The following CUX1 variants were observed in gnomAD, a reference collection of about 807,000 sequenced individuals.
The protein encoded by CUX1 is protein CASP.
CUX1 carries 31 observed loss-of-function variants against 158.8 expected under a neutral mutation model. The ratio of observed to expected loss-of-function variants is 0.20; its 90% CI spans 0.15 to 0.26. The LOEUF is 0.26. Ranked by LOEUF, CUX1 falls within the 10% of genes least tolerant of loss-of-function variation. The pLI, the probability that CUX1 is intolerant of heterozygous loss-of-function variation, is 1.00. For synonymous variants in CUX1, 879 were observed against 862.1 expected, an observed-to-expected ratio of 1.02 and a Z score of -0.34; for missense variants, 1,589 against 2,014.6, an observed-to-expected ratio of 0.79 and a Z score of 4.04.
In CUX1 at chr7:102,069,785, G is replaced by T. The variant is rs546739112; in HGVS notation, c.190-554G>T. Among the ~76,000 whole-genome samples, 20 of 152,324 alleles carry T rather than the reference G, an allele frequency of 1.3e-4. No homozygotes were observed. In the South Asian group the frequency reaches 4.1e-3, roughly 32 times the overall value. ...ATTTTATGAAATTCTTTGCTCCTGG[G>T]ATTTGAATGTGTTCGTCCGTTTACA... On this transcript the variant is annotated intron_variant, in intron 3 of 23. Transcript: ENST00000292535.
chr7:102,202,643 A>C (rs1272675722), intron 18 of CUX1, among the ~76,000 whole-genome samples: 1 of 152,208 alleles, frequency 6.6e-6, no homozygotes, highest in Non-Finnish European at 1.5e-5. Flanking sequence ...GATCACACAG[A>C]GGGACCACCA....
rs1791005680 is a variant in CUX1 at position 102,166,150 on chromosome 7, G to A, written c.724-4296G>A. Reference sequence around the variant, plus strand: ...CGCCAGGTGATGGGCATCGGCTTGTGTGAGCCCCGTGGCCACCAGTCCCCT... The same window carrying A: ...CGCCAGGTGATGGGCATCGGCTTGTATGAGCCCCGTGGCCACCAGTCCCCT... On this transcript the variant is annotated intron_variant, in intron 9 of 23. Coordinates refer to ENST00000292535, the MANE Select transcript of CUX1 (RefSeq NM_181552.4). Among the ~76,000 whole-genome samples the A allele has an allele frequency of 2.6e-5, 4 of 152,312 alleles. No homozygotes were observed. In the South Asian group the frequency reaches 8.3e-4, roughly 32 times the overall value.
chr7:102,216,598 C>CCCCA (rs1228861660), intron 20 of CUX1, among the ~76,000 whole-genome samples: 11 of 29,168 alleles, frequency 3.8e-4, no homozygotes, highest in African/African-American at 9.4e-4. Context: ...ACACACACTC[C>CCCCA]CACACACACA....
At chr7:102,093,273 C>T (rs1393633859) in intron 4 of CUX1, among the ~76,000 whole-genome samples, 1 of 151,120 alleles carries the variant, frequency 6.6e-6, no homozygotes, top group Non-Finnish European at 1.5e-5. Flanking sequence ...GCAACCTCCA[C>T]CTCCCAGGCT....
intron 5 of CUX1, among the ~76,000 whole-genome samples, chr7:102,100,302 G>C (rs548204987): frequency 6.6e-6 from 1 of 152,178 alleles, no homozygotes; most frequent in Non-Finnish European, 1.5e-5. Flanking sequence ...TCTGGAGGCA[G>C]ACAGACAGAC....
intron 3 of CUX1, among the ~76,000 whole-genome samples, chr7:102,055,823 C>A (rs952398842): frequency 2.6e-5 from 4 of 152,142 alleles, no homozygotes; most frequent in Non-Finnish European, 5.9e-5. Flanking sequence ...ACTTCTTGCA[C>A]CAGTTAGCCC....
At chr7:101,936,836 G>A (rs2129129748) in intron 2 of CUX1, among the ~76,000 whole-genome samples, 1 of 152,354 alleles carries the variant, frequency 6.6e-6, no homozygotes, top group African/African-American at 2.4e-5. Flanking sequence ...TAATGGTTAA[G>A]CAAGCAGCTT....
At chr7:101,913,200 A>T (rs904898661) in intron 1 of CUX1, 3 of 316,026 alleles carry the variant, frequency 9.5e-6, no homozygotes, top group Non-Finnish European at 1.8e-5. Flanking sequence ...CAAGCCTTAA[A>T]TCTGATCAAC....
chr7:102,235,701 CAAAA>C (rs781946936), intron 22 of CUX1, among the ~76,000 whole-genome samples: 2 of 88,674 alleles, frequency 2.3e-5, no homozygotes, highest in Non-Finnish European at 4.6e-5. Context: ...GACCCCATCT[CAAAA>C]AAAAAAAAAA....
chr7:102,135,248 T>A (rs1833771960), intron 8 of CUX1, among the ~76,000 whole-genome samples: 1 of 152,170 alleles, frequency 6.6e-6, no homozygotes, highest in Non-Finnish European at 1.5e-5. Flanking sequence ...GTAAGTTACA[T>A]ATGTTATATA....
intron 1 of CUX1, among the ~76,000 whole-genome samples, chr7:101,876,051 A>G (rs1195861952): frequency 6.6e-6 from 1 of 152,152 alleles, no homozygotes; most frequent in Non-Finnish European, 1.5e-5. Flanking sequence ...TAACACGTCA[A>G]ATACTGATTT....
chr7:102,030,691 G>GTTTTCTTTTTT (rs1554459485), intron 3 of CUX1, among the ~76,000 whole-genome samples: 1 of 119,386 alleles, frequency 8.4e-6, no homozygotes, highest in African/African-American at 3.1e-5. Context: ...TTTAAAAAGT[G>GTTTTCTTTTTT]TTTTTTTTTT....
Position 102,253,576 on chromosome 7 carries a change from A to C in CUX1, c.*4534A>C, listed in dbSNP as rs1586456833. The C allele has an allele frequency of 2.0e-6, 2 of 985,466 alleles. No homozygotes were observed. The highest frequency in any genetic ancestry group is 3.5e-5 in the African/African-American group (2 of 57,372). 61.0% of individuals were successfully genotyped at this position (985,466 alleles called of 1,614,324 possible). A position where few individuals can be genotyped will look rare whatever the true frequency, so the allele number is the denominator to read the frequency against. On this transcript the variant is annotated 3_prime_UTR_variant, in exon 24 of 24. Coordinates refer to ENST00000292535, the MANE Select transcript of CUX1 (RefSeq NM_181552.4). ...GTTTTTCATTCCTCTGATTTTAGCA[A>C]AGCAAATCTTACTGAAAAATAGCAG... is the stretch of plus-strand genomic sequence containing the variant.
At chr7:101,995,171 A>T (rs1339243618) in intron 2 of CUX1, among the ~76,000 whole-genome samples, 1 of 152,120 alleles carries the variant, frequency 6.6e-6, no homozygotes, top group East Asian at 1.9e-4. Flanking sequence ...ACTGCTGCTG[A>T]CGGGCTCTTG....
At chr7:101,966,636 C>T (rs564248072) in intron 2 of CUX1, among the ~76,000 whole-genome samples, 3 of 152,064 alleles carry the variant, frequency 2.0e-5, no homozygotes, top group African/African-American at 7.2e-5. Context: ...GGCGGATGTC[C>T]CATGGTCATG....
chr7:101,822,331 T>C (rs1792746632), intron 1 of CUX1: 1 of 152,200 alleles, frequency 6.6e-6, no homozygotes, highest in East Asian at 1.9e-4. Context: ...ACAGCTAAGG[T>C]TTGGTATGGA....
chr7:102,008,837 C>T (rs1344116925), intron 2 of CUX1, among the ~76,000 whole-genome samples: 1 of 152,194 alleles, frequency 6.6e-6, no homozygotes, highest in Non-Finnish European at 1.5e-5. Flanking sequence ...ATGCGCACCC[C>T]AGGTCTTTTA....
intron 2 of CUX1, among the ~76,000 whole-genome samples, chr7:102,012,775 G>C (rs963236142): frequency 1.5e-4 from 23 of 152,016 alleles, no homozygotes; most frequent in Admixed American, 1.4e-3. Flanking sequence ...ATGAATCAAT[G>C]AATGAATGAA....
chr7:102,197,680 CT>C (rs1401895109), intron 15 of CUX1, among the ~76,000 whole-genome samples: 1 of 152,146 alleles, frequency 6.6e-6, no homozygotes, highest in African/African-American at 2.4e-5. Flanking sequence ...CTTAAGTCCC[CT>C]CCAGCCCCAT....
Sources: gnomAD v4.1 joint callset for allele counts (sites outside exome capture counted in the v4.1 genomes callset) on GRCh38, gnomAD v4.1.1 for gene constraint, MANE v1.5 for transcripts, NCBI Gene and HGNC (gene_info 2026-07-23, HGNC 2026-07-21) for gene names.